PTK2B: variants seen among roughly 807,000 people sequenced by gnomAD.
The protein encoded by PTK2B is protein tyrosine kinase 2 beta.
A neutral mutation model predicts 142.9 loss-of-function variants in PTK2B; 71 were observed. The observed-to-expected ratio is 0.50, with a 90% confidence interval of 0.41 to 0.61. The LOEUF (loss-of-function observed/expected upper bound fraction) is 0.61, where lower values mean the gene tolerates loss of function less well. Ranked by LOEUF, PTK2B falls within the 20% of genes least tolerant of loss-of-function variation. The probability of loss-of-function intolerance (pLI) is 0.00; values close to 1 mark genes in which losing one functional copy is unlikely to be tolerated. For missense variants in PTK2B, 1,105 were observed against 1,320.4 expected (o/e 0.84, Z 2.53); for synonymous variants, 519 against 503.4 (o/e 1.03, Z -0.42).
intron 2 of PTK2B, among the ~76,000 whole-genome samples, chr8:27,407,041 C>T (rs1161699966): frequency 2.6e-5 from 4 of 152,150 alleles, no homozygotes; most frequent in African/African-American, 4.8e-5. Context: ...GCATCAAGAA[C>T]GCTTCATACG....
intron 2 of PTK2B, among the ~76,000 whole-genome samples, chr8:27,415,794 T>C (rs1374722348): frequency 6.6e-6 from 1 of 152,102 alleles, no homozygotes; most frequent in Non-Finnish European, 1.5e-5. Flanking sequence ...TAGAAGCAAA[T>C]TTATAAACTA....
chr8:27,330,721 A>G (rs1336879685), intron 1 of PTK2B, among the ~76,000 whole-genome samples: 1 of 152,212 alleles, frequency 6.6e-6, no homozygotes, highest in Non-Finnish European at 1.5e-5. Flanking sequence ...TAAGAAGAGC[A>G]GACTTGAGGC....
chr8:27,458,665 T>C lies in PTK2B; in HGVS notation c.*156T>C, dbSNP rs1812309238. On this transcript the variant is annotated 3_prime_UTR_variant, in exon 31 of 31. Transcript: ENST00000346049. Reference sequence around the variant, plus strand: ...GACGCCCTCTCCCCACCCCTACCCCTGGCTGTACTGCTCAGGCTGCAGCTG... The same window carrying C: ...GACGCCCTCTCCCCACCCCTACCCCCGGCTGTACTGCTCAGGCTGCAGCTG... 1.4e-6 allele frequency: 1 copy of C among 710,208 alleles called. No individual in the cohort carries two copies. Among genetic ancestry groups the C allele is most frequent in the South Asian group, 1.8e-5 (1 of 55,988 alleles). 44.0% of individuals were successfully genotyped at this position (710,208 alleles called of 1,614,324 possible).
chr8:27,393,353 C>CTGAA (rs1465685860), intron 1 of PTK2B, among the ~76,000 whole-genome samples: 1 of 152,176 alleles, frequency 6.6e-6, no homozygotes, highest in Non-Finnish European at 1.5e-5. Flanking sequence ...TTGCATCAGG[C>CTGAA]TGAAGGTAGA....
chr8:27,338,551 A>G (rs2129927396), intron 1 of PTK2B, among the ~76,000 whole-genome samples: 1 of 152,360 alleles, frequency 6.6e-6, no homozygotes, highest in South Asian at 2.1e-4. Context: ...AAAGAAAGAA[A>G]GAAAAAATTT....
At chr8:27,404,648 G>A (rs867591010) in intron 2 of PTK2B, among the ~76,000 whole-genome samples, 1 of 152,166 alleles carries the variant, frequency 6.6e-6, no homozygotes, top group African/African-American at 2.4e-5. Context: ...ACCACCACCC[G>A]TGTGCATTCA....
intron 2 of PTK2B, among the ~76,000 whole-genome samples, chr8:27,399,255 C>T (rs1411026360): frequency 6.6e-6 from 1 of 152,082 alleles, no homozygotes; most frequent in Non-Finnish European, 1.5e-5. Flanking sequence ...AGGACATGTT[C>T]CATAGAGTCA....
At chr8:27,364,279 G>T (rs1413170049) in intron 1 of PTK2B, among the ~76,000 whole-genome samples, 1 of 152,224 alleles carries the variant, frequency 6.6e-6, no homozygotes, top group Non-Finnish European at 1.5e-5. Flanking sequence ...AGGGGCTTCA[G>T]CCAGGGCAGT....
intron 1 of PTK2B, among the ~76,000 whole-genome samples, chr8:27,358,123 A>G (rs1343659595): frequency 6.6e-6 from 1 of 152,146 alleles, no homozygotes; most frequent in Non-Finnish European, 1.5e-5. Context: ...AGTTCTCTTC[A>G]TCCTCACTCT....
At chr8:27,384,055 G>A (rs1473351389) in intron 1 of PTK2B, among the ~76,000 whole-genome samples, 3 of 151,658 alleles carry the variant, frequency 2.0e-5, no homozygotes, top group Admixed American at 2.0e-4. Context: ...TCTCCATGTT[G>A]GTCAGGCTGA....
intron 1 of PTK2B, among the ~76,000 whole-genome samples, chr8:27,381,279 C>T (rs530914504): frequency 2.6e-5 from 4 of 152,260 alleles, no homozygotes; most frequent in African/African-American, 9.6e-5. Flanking sequence ...AACATTAGCA[C>T]TTAGTCCTCC....
intron 1 of PTK2B, among the ~76,000 whole-genome samples, chr8:27,353,248 T>C (rs1431957051): frequency 6.6e-6 from 1 of 152,160 alleles, no homozygotes; most frequent in African/African-American, 2.4e-5. Flanking sequence ...CTGTTAATGT[T>C]GGGGGCTGTG....
At chr8:27,433,951 C>T in intron 11 of PTK2B, 142 bp from the exon 12 acceptor site, 1 of 1,172,606 alleles carries the variant, frequency 8.5e-7, no homozygotes. Flanking sequence ...CCCAAGGCCT[C>T]ACTAGCTCCC....
At chr8:27,350,129 G>T (rs1354449230) in intron 1 of PTK2B, among the ~76,000 whole-genome samples, 1 of 152,234 alleles carries the variant, frequency 6.6e-6, no homozygotes, top group Non-Finnish European at 1.5e-5. Flanking sequence ...GCAATCGCTA[G>T]TGTAGGTGTT....
At chr8:27,435,676 A>C (rs1487277525) in intron 13 of PTK2B, 67 bp from the exon 14 acceptor site, 1 of 1,578,778 alleles carries the variant, frequency 6.3e-7, no homozygotes, top group Non-Finnish European at 8.7e-7. Flanking sequence ...GGAGCCCCAC[A>C]CCTGATTCCT....
intron 1 of PTK2B, among the ~76,000 whole-genome samples, chr8:27,339,380 C>G (rs1804256800): frequency 6.6e-6 from 1 of 152,198 alleles, no homozygotes; most frequent in Non-Finnish European, 1.5e-5. Context: ...GTGAGACAGT[C>G]TGATCCATCT....
Position 27,363,789 on chromosome 8 carries a change from G to T in PTK2B, c.-37-33759G>T, listed in dbSNP as rs753193145. On this transcript the variant is annotated intron_variant, in intron 1 of 30. Coordinates refer to ENST00000346049, the MANE Select transcript of PTK2B (RefSeq NM_173176.3). The surrounding 1 kb of genome is among the most constrained non-coding windows in gnomAD (Gnocchi z 4.3). ...TGTGCTGGGCTGTGACAGTCACTTGGCGTTCCTGGGACATGTTCATGTGAA... is the reference window on the plus strand; with the variant it reads ...TGTGCTGGGCTGTGACAGTCACTTGTCGTTCCTGGGACATGTTCATGTGAA... Among the ~76,000 whole-genome samples the T allele has an allele frequency of 6.6e-6, 1 of 152,202 alleles. No homozygotes were observed. The highest frequency in any genetic ancestry group is 1.5e-5 in the Non-Finnish European group (1 of 68,040).
chr8:27,437,678 A>G (rs1810872051), intron 17 of PTK2B, 87 bp from the exon 18 acceptor site: 5 of 1,359,122 alleles, frequency 3.7e-6, no homozygotes. Context: ...GCCCCCAGGG[A>G]AGGGTCAGGG....
chr8:27,400,959 A>G (rs1009981924), intron 2 of PTK2B, among the ~76,000 whole-genome samples: 4 of 148,878 alleles, frequency 2.7e-5, no homozygotes, highest in African/African-American at 9.8e-5. Flanking sequence ...CAGCCTGGCC[A>G]ACATAGTGAA....
Sources: gnomAD v4.1 joint callset for allele counts (sites outside exome capture counted in the v4.1 genomes callset) on GRCh38, gnomAD v4.1.1 for gene constraint, Gnocchi (gnomAD v3.1) non-coding constraint, MANE v1.5 for transcripts, NCBI Gene and HGNC (gene_info 2026-07-23, HGNC 2026-07-21) for gene names.